Variants in VAPB observed in about 807,000 individuals in gnomAD.
VAPB encodes vesicle-associated membrane protein-associated protein B/C.
In VAPB, 7 loss-of-function variants were observed where a neutral mutation model predicts 25.6. The observed-to-expected ratio is 0.27, with a 90% CI of 0.16 to 0.51. The LOEUF is 0.51. VAPB is among the 20% of genes least tolerant of loss of function. The pLI, the probability that VAPB is intolerant of heterozygous loss-of-function variation, is 0.97. For missense variants in VAPB, 266 were observed against 301.3 expected, an observed-to-expected ratio of 0.88 and a Z score of 0.87; for synonymous variants, 112 against 109.2, an observed-to-expected ratio of 1.03 and a Z score of -0.16.
At chr20:58,422,364 A>C (rs1052342736) in intron 2 of VAPB, among the ~76,000 whole-genome samples, 1 of 152,344 alleles carries the variant, frequency 6.6e-6, no homozygotes, top group Non-Finnish European at 1.5e-5. Flanking sequence ...GACCTCAGCA[A>C]AATAGGTACA....
rs935084987 is a variant in VAPB, at chr20:58,445,879, C to T, written c.*1644C>T. On this transcript the variant is annotated 3_prime_UTR_variant, in exon 6 of 6. Transcript: ENST00000475243. ...CCATGCCATTGAGACTAGTAACGGG[C>T]GTTCTGGGCACAGTCCCACTGTGCA... The T allele has an allele frequency of 1.8e-5, 8 of 453,848 alleles. No individual in the cohort carries two copies. The highest frequency in any genetic ancestry group is 1.6e-4 in the African/African-American group (8 of 49,968). 28.1% of individuals were successfully genotyped at this position (453,848 alleles called of 1,614,324 possible).
At chr20:58,428,771 G>A (rs1367948408) in intron 2 of VAPB, among the ~76,000 whole-genome samples, 2 of 152,196 alleles carry the variant, frequency 1.3e-5, no homozygotes, top group Non-Finnish European at 2.9e-5. Flanking sequence ...TTTTTATAAA[G>A]TTCCCACTAA....
intron 1 of VAPB, among the ~76,000 whole-genome samples, chr20:58,409,884 A>G (rs1988328740): frequency 6.7e-6 from 1 of 149,036 alleles, no homozygotes; most frequent in African/African-American, 2.5e-5. Flanking sequence ...ACTTTGCACA[A>G]CAAAGAATCT....
chr20:58,436,536 A>C (rs905096944), intron 3 of VAPB, among the ~76,000 whole-genome samples: 5 of 151,868 alleles, frequency 3.3e-5, no homozygotes, highest in African/African-American at 1.2e-4. Flanking sequence ...CATGTTGCCC[A>C]AGCTGGTCTC....
chr20:58,427,761 A>C (rs374814951), intron 2 of VAPB, among the ~76,000 whole-genome samples: 4 of 151,904 alleles, frequency 2.6e-5, no homozygotes, highest in Non-Finnish European at 5.9e-5. Context: ...TACCATTATG[A>C]TGCAGATGAA....
chr20:58,413,265 C>G (rs1988425324), intron 1 of VAPB, among the ~76,000 whole-genome samples: 1 of 150,536 alleles, frequency 6.6e-6, no homozygotes, highest in African/African-American at 2.4e-5. Flanking sequence ...GAACAAAGGT[C>G]TCTGGTTTTC....
At chr20:58,402,274 TG>T (rs1398715394) in intron 1 of VAPB, among the ~76,000 whole-genome samples, 2 of 152,212 alleles carry the variant, frequency 1.3e-5, no homozygotes, top group Non-Finnish European at 2.9e-5. Context: ...CATGGGGCTT[TG>T]GCATACTATG....
intron 1 of VAPB, among the ~76,000 whole-genome samples, chr20:58,393,453 T>G (rs1987861255): frequency 6.6e-6 from 1 of 152,200 alleles, no homozygotes. Flanking sequence ...CCTTGCCATC[T>G]CCTCACTCTG....
chr20:58,432,760 C>T (rs566787161), intron 2 of VAPB, among the ~76,000 whole-genome samples: 1 of 152,294 alleles, frequency 6.6e-6, no homozygotes, highest in South Asian at 2.1e-4. Flanking sequence ...AAAGCATTGA[C>T]CTGCCAGTCT....
At chr20:58,437,883 C>T (rs1989083210) in intron 3 of VAPB, among the ~76,000 whole-genome samples, 1 of 152,084 alleles carries the variant, frequency 6.6e-6, no homozygotes, top group Non-Finnish European at 1.5e-5. Context: ...ACCTGTGTTA[C>T]AGTAGCTGCC....
At chr20:58,398,186 A>G (rs1332210010) in intron 1 of VAPB, among the ~76,000 whole-genome samples, 1 of 152,272 alleles carries the variant, frequency 6.6e-6, no homozygotes, top group Non-Finnish European at 1.5e-5. Context: ...ATTGTATGAT[A>G]AAGTATTGAA....
intron 1 of VAPB, among the ~76,000 whole-genome samples, chr20:58,410,502 C>T (rs1418397798): frequency 1.3e-5 from 2 of 152,086 alleles, no homozygotes; most frequent in Admixed American, 6.5e-5. Context: ...CTGTAACCTT[C>T]GCCTCCTGGG....
rs1989369497 is a variant in VAPB, at chr20:58,449,075, G to A, written c.*4840G>A. The A allele has an allele frequency of 2.2e-6, 1 of 454,010 alleles. No homozygotes were observed. Among genetic ancestry groups the A allele is most frequent in the African/African-American group, 2.0e-5 (1 of 50,016 alleles). The allele number at this position is 454,010 out of a possible 1,614,324, so 28.1% of individuals were successfully genotyped here. A position where few individuals can be genotyped will look rare whatever the true frequency, so the allele number is the denominator to read the frequency against. On this transcript the variant is annotated 3_prime_UTR_variant, in exon 6 of 6. Coordinates refer to ENST00000475243, the MANE Select transcript of VAPB (RefSeq NM_004738.5). ...GTTCTCCAGGATATCAGCAAAGAGG[G>A]CAAGTAATAGAAGCCCCTGATAAGG...
chr20:58,415,789 A>G (rs1220289806), intron 1 of VAPB, among the ~76,000 whole-genome samples: 1 of 152,254 alleles, frequency 6.6e-6, no homozygotes, highest in Admixed American at 6.5e-5. Context: ...AGTCTGAATG[A>G]TGCTCATAAG....
At chr20:58,395,517 G>A (rs1046169237) in intron 1 of VAPB, among the ~76,000 whole-genome samples, 5 of 152,098 alleles carry the variant, frequency 3.3e-5, no homozygotes, top group Non-Finnish European at 5.9e-5. Context: ...GATTTGGGAC[G>A]AATGAGCACA....
At chr20:58,409,367 A>C (rs1038461634) in intron 1 of VAPB, among the ~76,000 whole-genome samples, 8 of 152,182 alleles carry the variant, frequency 5.3e-5, no homozygotes, top group Admixed American at 4.6e-4. Context: ...TATTAATAAG[A>C]TATCCAACAG....
intron 1 of VAPB, among the ~76,000 whole-genome samples, chr20:58,414,789 C>G (rs981454132): frequency 2.3e-4 from 35 of 151,690 alleles, no homozygotes; most frequent in Admixed American, 2.0e-4. Flanking sequence ...GATGGGTGGC[C>G]AGGCAGAGAC....
intron 2 of VAPB, among the ~76,000 whole-genome samples, chr20:58,428,432 C>T (rs1247420522): frequency 6.6e-6 from 1 of 152,000 alleles, no homozygotes; most frequent in African/African-American, 2.4e-5. Context: ...TGGTGAATAC[C>T]ATTTGGTGTA....
At chr20:58,423,617 CTTT>C (rs1988722892) in intron 2 of VAPB, among the ~76,000 whole-genome samples, 1 of 151,970 alleles carries the variant, frequency 6.6e-6, no homozygotes, top group Non-Finnish European at 1.5e-5. Flanking sequence ...AGGAGTGCAC[CTTT>C]CAGGTGCACT....
Sources: gnomAD v4.1 joint callset for allele counts (sites outside exome capture counted in the v4.1 genomes callset) on GRCh38, gnomAD v4.1.1 for gene constraint, MANE v1.5 for transcripts, NCBI Gene and HGNC (gene_info 2026-07-23, HGNC 2026-07-21) for gene names.